The following SIPA1L3 variants were observed in gnomAD, a reference collection of about 807,000 sequenced individuals.
The protein encoded by SIPA1L3 is signal-induced proliferation-associated 1-like protein 3.
Under a neutral mutation model 150.1 loss-of-function variants are expected in SIPA1L3, and 59 were observed. That is an observed-to-expected ratio of 0.39 (90% CI 0.32 to 0.49). SIPA1L3 has a LOEUF of 0.49. SIPA1L3 is among the 20% of genes least tolerant of loss of function. The probability of loss-of-function intolerance (pLI) is 0.86; values close to 1 mark genes in which losing one functional copy is unlikely to be tolerated. For synonymous variants in SIPA1L3, 1,070 were observed against 1,077.6 expected (o/e 0.99, Z 0.14); for missense variants, 2,211 against 2,489.5 (o/e 0.89, Z 2.38).
intron 2 of SIPA1L3, among the ~76,000 whole-genome samples, chr19:38,032,333 T>G (rs1968670940): frequency 6.6e-6 from 1 of 152,184 alleles, no homozygotes; most frequent in African/African-American, 2.4e-5. Context: ...AGAACGGCAC[T>G]TTTCCTACGT....
chr19:38,110,813 G>C (rs1391104801), intron 8 of SIPA1L3, among the ~76,000 whole-genome samples: 2 of 152,032 alleles, frequency 1.3e-5, no homozygotes, highest in Non-Finnish European at 1.5e-5. Context: ...CCCAAGAGTT[G>C]CATCAGAAGC....
chr19:37,922,010 G>A (rs1679722386), intron 1 of SIPA1L3, among the ~76,000 whole-genome samples: 1 of 152,178 alleles, frequency 6.6e-6, no homozygotes, highest in African/African-American at 2.4e-5. Flanking sequence ...TAGGTGGCTT[G>A]ATTTGTGTGT....
At chr19:37,941,394 T>G (rs1375894647) in intron 1 of SIPA1L3, among the ~76,000 whole-genome samples, 1 of 152,128 alleles carries the variant, frequency 6.6e-6, no homozygotes, top group Non-Finnish European at 1.5e-5. Flanking sequence ...TTTGAACTTT[T>G]GTTTGCCTTA....
intron 12 of SIPA1L3, among the ~76,000 whole-genome samples, chr19:38,149,338 C>T (rs1466064500): frequency 2.0e-5 from 3 of 151,960 alleles, no homozygotes; most frequent in East Asian, 1.9e-4. Context: ...TGGAAGTTCG[C>T]GTCACTGCTG....
At chr19:38,028,547 G>T (rs1000125390) in intron 1 of SIPA1L3, among the ~76,000 whole-genome samples, 4 of 152,126 alleles carry the variant, frequency 2.6e-5, no homozygotes, top group South Asian at 2.1e-4. Context: ...TTTCATCAAG[G>T]TTCCACTCTG....
intron 1 of SIPA1L3, among the ~76,000 whole-genome samples, chr19:38,002,566 G>A (rs1249751283): frequency 6.6e-6 from 1 of 150,966 alleles, no homozygotes; most frequent in Non-Finnish European, 1.5e-5. Flanking sequence ...AACCCTGTCG[G>A]TACTAAAAAT....
At chr19:38,190,786 C>T (rs1468008798) in intron 16 of SIPA1L3, among the ~76,000 whole-genome samples, 2 of 152,204 alleles carry the variant, frequency 1.3e-5, no homozygotes, top group Admixed American at 6.5e-5. Flanking sequence ...TTTTCCACCT[C>T]CTAATAAGAT....
chr19:38,134,184 T>A (rs2163817), intron 10 of SIPA1L3, among the ~76,000 whole-genome samples: 2 of 150,058 alleles, frequency 1.3e-5, no homozygotes, highest in East Asian at 2.1e-4. Context: ...GGGTTTCACC[T>A]TATTGGCCAG....
chr19:38,086,550 G>A (rs554338665), intron 3 of SIPA1L3, among the ~76,000 whole-genome samples: 1 of 152,242 alleles, frequency 6.6e-6, no homozygotes, highest in Non-Finnish European at 1.5e-5. Flanking sequence ...AGGTGTGGTG[G>A]TGCATGTCTG....
intron 2 of SIPA1L3, among the ~76,000 whole-genome samples, chr19:38,069,831 ATTTTTTT>A (rs143984654): frequency 7.3e-6 from 1 of 136,326 alleles, no homozygotes; most frequent in East Asian, 2.2e-4. Flanking sequence ...TACCTGGTTA[ATTTTTTT>A]TTTTTTTTTG....
At chr19:38,129,435 C>A (rs1354895570) in intron 9 of SIPA1L3, among the ~76,000 whole-genome samples, 1 of 151,412 alleles carries the variant, frequency 6.6e-6, no homozygotes, top group Non-Finnish European at 1.5e-5. Flanking sequence ...ACCAGCCTGA[C>A]CAATATGGTG....
intron 15 of SIPA1L3, among the ~76,000 whole-genome samples, chr19:38,181,572 G>A (rs536566342): frequency 2.6e-5 from 4 of 151,998 alleles, no homozygotes; most frequent in Admixed American, 1.3e-4. Flanking sequence ...GACCGGGTGC[G>A]GTGGCTCACA....
At chr19:38,058,226 G>A (rs898320977) in intron 2 of SIPA1L3, among the ~76,000 whole-genome samples, 11 of 152,148 alleles carry the variant, frequency 7.2e-5, no homozygotes, top group African/African-American at 2.7e-4. Context: ...GCAGGCCCTC[G>A]CCATCTGCCA....
rs184212876 is a variant in SIPA1L3 at position 38,099,090 on chromosome 19, C to T, written c.1666-872C>T. Among the ~76,000 whole-genome samples, 24 of 152,152 alleles carry T rather than the reference C, an allele frequency of 1.6e-4. No individual in the cohort carries two copies. The East Asian group carries it at 3.5e-3, about 22-fold the overall frequency. On this transcript the variant is annotated intron_variant, in intron 4 of 21. Coordinates refer to ENST00000222345, the MANE Select transcript of SIPA1L3 (RefSeq NM_015073.3). ...TTGCTCTGTTGCCCAGACTGGAGTG[C>T]AGTGGCGCGATCTTGGCTCACTGCA...
intron 11 of SIPA1L3, 24 bp from the exon 12 acceptor site, chr19:38,142,549 C>G: frequency 6.3e-7 from 1 of 1,589,402 alleles, no homozygotes; most frequent in Non-Finnish European, 8.6e-7. Context: ...CCCTCTGCCT[C>G]CTTCCTCCCC....
At chr19:38,077,792 T>C (rs1398862744) in intron 2 of SIPA1L3, among the ~76,000 whole-genome samples, 1 of 144,790 alleles carries the variant, frequency 6.9e-6, no homozygotes, top group Non-Finnish European at 1.5e-5. Context: ...TGCCTCAGCC[T>C]CCCACGTAGC....
chr19:38,196,555 G>A (rs956053928), intron 18 of SIPA1L3, among the ~76,000 whole-genome samples: 25 of 147,868 alleles, frequency 1.7e-4, no homozygotes, highest in East Asian at 1.0e-3. Context: ...GGTCAAGGGC[G>A]GAGCGTGGAG....
At chr19:37,988,988 C>G (rs1334721734) in intron 1 of SIPA1L3, among the ~76,000 whole-genome samples, 1 of 152,168 alleles carries the variant, frequency 6.6e-6, no homozygotes, top group Non-Finnish European at 1.5e-5. Context: ...AGCCTGACCT[C>G]CAAACAAAAA....
intron 1 of SIPA1L3, among the ~76,000 whole-genome samples, chr19:37,972,542 A>G (rs1306578183): frequency 6.6e-6 from 1 of 152,096 alleles, no homozygotes; most frequent in East Asian, 1.9e-4. Flanking sequence ...ATCTCTACAA[A>G]AAATTTAAAA....
Sources: gnomAD v4.1 joint callset for allele counts (sites outside exome capture counted in the v4.1 genomes callset) on GRCh38, gnomAD v4.1.1 for gene constraint, MANE v1.5 for transcripts, NCBI Gene and HGNC (gene_info 2026-07-23, HGNC 2026-07-21) for gene names.